LRRC4C: variants seen among roughly 807,000 people sequenced by gnomAD.
The protein encoded by LRRC4C is leucine-rich repeat-containing protein 4C.
In LRRC4C, 5 loss-of-function variants were observed where a neutral mutation model predicts 33.6. That is an observed-to-expected ratio of 0.15 (90% confidence interval 0.08 to 0.31). The LOEUF (loss-of-function observed/expected upper bound fraction) is 0.31, where lower values mean the gene tolerates loss of function less well. LRRC4C is among the 10% of genes least tolerant of loss of function. LRRC4C has a pLI of 1.00. For synonymous variants in LRRC4C, 329 were observed against 302.0 expected (o/e 1.09, Z -0.93); for missense variants, 560 against 796.7 (o/e 0.70, Z 3.58).
At chr11:40,984,363 A>AGAAGAAAGAAAG (rs1375965996) in intron 1 of LRRC4C, among the ~76,000 whole-genome samples, 139 of 120,402 alleles carry the variant, frequency 1.2e-3, no homozygotes, top group African/African-American at 1.3e-3. Flanking sequence ...AAAGAAAGAA[A>AGAAGAAAGAAAG]AAAGAAAGAA....
intron 5 of LRRC4C, among the ~76,000 whole-genome samples, chr11:40,231,133 G>A (rs1320476596): frequency 2.0e-5 from 3 of 152,188 alleles, no homozygotes; most frequent in Non-Finnish European, 2.9e-5. Context: ...TCTGGAGGCT[G>A]AGGTGAGAGG....
intron 1 of LRRC4C, among the ~76,000 whole-genome samples, chr11:41,402,703 G>A (rs4756643): frequency 0.4 from 60,780 of 151,764 alleles, 13,154 homozygotes; most frequent in African/African-American, 0.56. Context: ...ATTTAGAAAG[G>A]AAAAAATGAA....
intron 2 of LRRC4C, among the ~76,000 whole-genome samples, chr11:40,825,731 A>G (rs979494211): frequency 6.6e-6 from 1 of 151,786 alleles, no homozygotes; most frequent in Non-Finnish European, 1.5e-5. Flanking sequence ...TTCCTGACAG[A>G]AGACACGACA....
rs556311311 is a variant in LRRC4C, at chr11:41,123,457, A to G, written c.-495-189734T>C. Reference sequence around the variant, plus strand: ...CCGGCTAATTTTTTGTATTTTTAGTAGAGACGGGGTTTCACCGTTTTAGCC... The same window carrying G: ...CCGGCTAATTTTTTGTATTTTTAGTGGAGACGGGGTTTCACCGTTTTAGCC... On this transcript the variant is annotated intron_variant, in intron 1 of 6. Transcript: ENST00000528697. Among the ~76,000 whole-genome samples, 550 of 150,080 alleles carry G rather than the reference A, an allele frequency of 3.7e-3. 3 individuals are homozygous for G. Among genetic ancestry groups the G allele is most frequent in the Non-Finnish European group, 6.0e-3 (408 of 67,564 alleles).
At chr11:41,318,260 T>G (rs1240203999) in intron 1 of LRRC4C, among the ~76,000 whole-genome samples, 1 of 151,480 alleles carries the variant, frequency 6.6e-6, no homozygotes, top group Non-Finnish European at 1.5e-5. Flanking sequence ...GTAACTATTT[T>G]CTTCTCTTGG....
At chr11:40,667,131 G>T (rs899090068) in intron 2 of LRRC4C, among the ~76,000 whole-genome samples, 3 of 152,120 alleles carry the variant, frequency 2.0e-5, no homozygotes, top group Admixed American at 1.3e-4. Context: ...ACTTCTATAT[G>T]TTAGGGCTAA....
At chr11:40,980,680 CTAAG>C (rs1026895534) in intron 1 of LRRC4C, among the ~76,000 whole-genome samples, 3 of 152,142 alleles carry the variant, frequency 2.0e-5, no homozygotes, top group Admixed American at 6.6e-5. Context: ...GTAAAGAAAA[CTAAG>C]AACCTTCTCT....
chr11:41,229,904 T>A (rs1002740251), intron 1 of LRRC4C, among the ~76,000 whole-genome samples: 2 of 152,128 alleles, frequency 1.3e-5, no homozygotes, highest in African/African-American at 4.8e-5. Flanking sequence ...TTCTTGTTTT[T>A]TACCATGTAC....
intron 4 of LRRC4C, among the ~76,000 whole-genome samples, chr11:40,290,140 A>G (rs1484032375): frequency 1.3e-5 from 2 of 152,190 alleles, no homozygotes; most frequent in East Asian, 3.9e-4. Flanking sequence ...ACTCAACTAT[A>G]AAGTGAAAAA....
chr11:40,658,360 A>G (rs1472024369), intron 2 of LRRC4C, among the ~76,000 whole-genome samples: 3 of 152,200 alleles, frequency 2.0e-5, no homozygotes, highest in East Asian at 3.9e-4. Context: ...ATCTCATCTT[A>G]TCTCTTTTGG....
At chr11:40,605,703 C>T (rs1365147660) in intron 3 of LRRC4C, among the ~76,000 whole-genome samples, 1 of 152,092 alleles carries the variant, frequency 6.6e-6, no homozygotes, top group African/African-American at 2.4e-5. Flanking sequence ...TTCTTACCTG[C>T]GTCTAAGCAC....
chr11:41,211,960 G>A (rs895319725), intron 1 of LRRC4C, among the ~76,000 whole-genome samples: 3 of 152,300 alleles, frequency 2.0e-5, no homozygotes, highest in South Asian at 2.1e-4. Context: ...GTGTAAAAGT[G>A]TTCCTATTTC....
chr11:40,676,193 CT>C (rs999670306), intron 2 of LRRC4C, among the ~76,000 whole-genome samples: 1 of 152,156 alleles, frequency 6.6e-6, no homozygotes, highest in African/African-American at 2.4e-5. Context: ...ACAACGTTAA[CT>C]TTTTGGCTGC....
intron 1 of LRRC4C, among the ~76,000 whole-genome samples, chr11:41,176,524 A>G (rs573062434): frequency 2.0e-5 from 3 of 152,260 alleles, no homozygotes; most frequent in African/African-American, 7.2e-5. Context: ...AGTTCTAGAC[A>G]TGGTATATAT....
At chr11:40,556,243 T>C (rs1957327994) in intron 3 of LRRC4C, among the ~76,000 whole-genome samples, 2 of 152,378 alleles carry the variant, frequency 1.3e-5, no homozygotes, top group African/African-American at 2.4e-5. Context: ...TTCTGACATG[T>C]ATATCCTATA....
intron 1 of LRRC4C, among the ~76,000 whole-genome samples, chr11:41,078,748 TATC>T (rs1939344057): frequency 6.6e-6 from 1 of 152,192 alleles, no homozygotes; most frequent in Non-Finnish European, 1.5e-5. Context: ...AGCCAAACCA[TATC>T]ATCAGATGAG....
At chr11:41,031,173 G>T (rs969964765) in intron 1 of LRRC4C, among the ~76,000 whole-genome samples, 1 of 151,888 alleles carries the variant, frequency 6.6e-6, no homozygotes, top group Non-Finnish European at 1.5e-5. Context: ...TGGCTAGTAG[G>T]TATTTGTACA....
intron 1 of LRRC4C, among the ~76,000 whole-genome samples, chr11:41,169,218 T>G (rs1277251599): frequency 6.6e-6 from 1 of 152,210 alleles, no homozygotes; most frequent in Non-Finnish European, 1.5e-5. Context: ...CCATTTCTTA[T>G]TTATTCTTTT....
intron 2 of LRRC4C, among the ~76,000 whole-genome samples, chr11:40,917,886 A>G (rs1465915219): frequency 6.6e-6 from 1 of 151,880 alleles, no homozygotes; most frequent in African/African-American, 2.4e-5. Flanking sequence ...TAGATGTTCA[A>G]TGTTTGCATT....
Sources: allele counts gnomAD v4.1 joint callset (sites outside exome capture counted in the v4.1 genomes callset), GRCh38; gene constraint gnomAD v4.1.1; transcripts MANE v1.5; gene names NCBI Gene and HGNC (gene_info 2026-07-23, HGNC 2026-07-21).